KLHL1: variants seen among roughly 807,000 people sequenced by gnomAD.
The protein encoded by KLHL1 is kelch like family member 1.
Under a neutral mutation model 77.7 loss-of-function variants are expected in KLHL1, and 47 were observed. That is an observed-to-expected ratio of 0.60 (90% CI 0.48 to 0.77). The LOEUF is 0.77. KLHL1 is among the 30% of genes least tolerant of loss of function. KLHL1 has a pLI of 0.00. For synonymous variants in KLHL1, 360 were observed against 325.2 expected (o/e 1.11, Z -1.15); for missense variants, 925 against 910.8 (o/e 1.02, Z -0.20).
At position 70,034,275 on chromosome 13, in the gene KLHL1, C is replaced by T. The variant is rs376818745; in HGVS notation, c.498-58473G>A. 4.1e-3 allele frequency among the ~76,000 whole-genome samples: 622 copies of T among 152,214 alleles called. 6 individuals carry two copies. The highest frequency in any genetic ancestry group is 0.015 in the African/African-American group (603 of 41,532). On this transcript the variant is annotated intron_variant, in intron 1 of 10. Transcript: ENST00000377844. ...ACAACAAAATTATTCACACAACTGA[C>T]GAATTTTGACTGTAGAAAGTACTCT... is the stretch of plus-strand genomic sequence containing the variant.
chr13:69,785,160 G>A (rs1876459773), intron 7 of KLHL1, among the ~76,000 whole-genome samples: 1 of 151,916 alleles, frequency 6.6e-6, no homozygotes, highest in African/African-American at 2.4e-5. Flanking sequence ...CCAAAGTGCT[G>A]GGATTACAGG....
At chr13:69,991,134 C>G (rs796688363) in intron 1 of KLHL1, among the ~76,000 whole-genome samples, 4 of 152,052 alleles carry the variant, frequency 2.6e-5, no homozygotes, top group African/African-American at 9.6e-5. Context: ...ATACTAGAAT[C>G]TCTGGGACAC....
At chr13:69,839,758 A>T (rs559482178) in intron 5 of KLHL1, among the ~76,000 whole-genome samples, 1 of 152,116 alleles carries the variant, frequency 6.6e-6, no homozygotes, top group Non-Finnish European at 1.5e-5. Context: ...CACCCAATAG[A>T]CCAATAGAGT....
chr13:69,731,227 A>G (rs1311368854), intron 8 of KLHL1, among the ~76,000 whole-genome samples: 1 of 152,210 alleles, frequency 6.6e-6, no homozygotes, highest in Non-Finnish European at 1.5e-5. Context: ...ATTAAAAGGC[A>G]CAACGGAATA....
intron 1 of KLHL1, among the ~76,000 whole-genome samples, chr13:69,993,013 T>G (rs936990265): frequency 6.6e-6 from 1 of 152,002 alleles, no homozygotes; most frequent in East Asian, 1.9e-4. Context: ...CAGATAAAAA[T>G]TAAACTGCCA....
intron 4 of KLHL1, among the ~76,000 whole-genome samples, chr13:69,918,513 C>CT (rs879739772): frequency 6.2e-4 from 90 of 145,018 alleles, no homozygotes; most frequent in Middle Eastern, 3.6e-3. Flanking sequence ...AGAGTAAATG[C>CT]TTTTTTTTTT....
At chr13:69,719,994 AG>A (rs1872971793) in intron 8 of KLHL1, among the ~76,000 whole-genome samples, 1 of 152,126 alleles carries the variant, frequency 6.6e-6, no homozygotes, top group African/African-American at 2.4e-5. Flanking sequence ...GTGATTTGGC[AG>A]TATGTAACAC....
intron 4 of KLHL1, among the ~76,000 whole-genome samples, chr13:69,936,776 G>T (rs1009726257): frequency 2.0e-5 from 3 of 152,012 alleles, no homozygotes; most frequent in Non-Finnish European, 4.4e-5. Flanking sequence ...TTCTACTGAA[G>T]ATTTCAACCT....
chr13:69,926,946 CAAAAAAAAAAAA>C (rs71116960), intron 4 of KLHL1, among the ~76,000 whole-genome samples: 3 of 36,034 alleles, frequency 8.3e-5, no homozygotes, highest in African/African-American at 2.6e-4. Context: ...GACTCCATCT[CAAAAAAAAAAAA>C]AAAAAAAAAA....
At chr13:69,727,406 T>C (rs1458467723) in intron 8 of KLHL1, among the ~76,000 whole-genome samples, 1 of 151,958 alleles carries the variant, frequency 6.6e-6, no homozygotes, top group African/African-American at 2.4e-5. Flanking sequence ...TAGTGGACAG[T>C]CACAAGTTAA....
At chr13:69,855,769 C>G (rs1460556613) in intron 5 of KLHL1, among the ~76,000 whole-genome samples, 3 of 150,088 alleles carry the variant, frequency 2.0e-5, no homozygotes, top group Non-Finnish European at 1.5e-5. Flanking sequence ...TATAAATTAC[C>G]CAGTCTTGGG....
chr13:69,815,349 T>C (rs568808523), intron 6 of KLHL1, among the ~76,000 whole-genome samples: 12 of 152,212 alleles, frequency 7.9e-5, no homozygotes, highest in Non-Finnish European at 1.6e-4. Flanking sequence ...GTGGTACATA[T>C]ACACCATGGA....
At chr13:70,055,837 A>G (rs1886731875) in intron 1 of KLHL1, among the ~76,000 whole-genome samples, 1 of 152,126 alleles carries the variant, frequency 6.6e-6, no homozygotes, top group Admixed American at 6.5e-5. Flanking sequence ...AAAAATAAAA[A>G]GCAAGAAATT....
chr13:69,848,852 T>C (rs1255341342), intron 5 of KLHL1, among the ~76,000 whole-genome samples: 1 of 151,504 alleles, frequency 6.6e-6, no homozygotes, highest in Admixed American at 6.6e-5. Context: ...ATAATCAAAA[T>C]AAGTAGAGCT....
Position 69,990,632 on chromosome 13 carries a change from C to T in KLHL1, c.498-14830G>A, listed in dbSNP as rs1408753131. 3.3e-5 allele frequency among the ~76,000 whole-genome samples: 5 copies of T among 151,886 alleles called. No homozygotes were observed. The South Asian group carries it at 1.0e-3, about 31-fold the overall frequency. On this transcript the variant is annotated intron_variant, in intron 1 of 10. Transcript: ENST00000377844. ...ACAAGAAGACCTAACTATCCTAATT[C>T]TATATGCACCCAACACAGGTACACT...
At chr13:70,052,244 T>C (rs1886645764) in intron 1 of KLHL1, among the ~76,000 whole-genome samples, 1 of 151,830 alleles carries the variant, frequency 6.6e-6, no homozygotes, top group African/African-American at 2.4e-5. Flanking sequence ...CGGTGTAGCA[T>C]ATTTATTACT....
intron 7 of KLHL1, among the ~76,000 whole-genome samples, chr13:69,785,205 T>G (rs902703082): frequency 6.6e-6 from 1 of 152,036 alleles, no homozygotes; most frequent in Non-Finnish European, 1.5e-5. Flanking sequence ...AATATACATT[T>G]TTTTCAGCAC....
chr13:69,871,454 T>C (rs140411636), intron 5 of KLHL1, among the ~76,000 whole-genome samples: 2 of 152,304 alleles, frequency 1.3e-5, no homozygotes, highest in East Asian at 3.9e-4. Flanking sequence ...CTCCACAGCA[T>C]CCTTGGATTC....
chr13:70,037,754 A>G (rs1318116085), intron 1 of KLHL1, among the ~76,000 whole-genome samples: 2 of 152,084 alleles, frequency 1.3e-5, no homozygotes, highest in Non-Finnish European at 2.9e-5. Context: ...AAGTTTTTTC[A>G]TCAGTCCTAA....
Sources: gnomAD v4.1 joint callset for allele counts (sites outside exome capture counted in the v4.1 genomes callset) on GRCh38, gnomAD v4.1.1 for gene constraint, MANE v1.5 for transcripts, NCBI Gene and HGNC (gene_info 2026-07-23, HGNC 2026-07-21) for gene names.